Variants in MUSK observed in about 807,000 individuals in gnomAD.
The protein encoded by MUSK is muscle associated receptor tyrosine kinase.
Under a neutral mutation model 88.7 loss-of-function variants are expected in MUSK, and 55 were observed. The ratio of observed to expected loss-of-function variants is 0.62; its 90% CI spans 0.50 to 0.78. The LOEUF is 0.78. Among genes scored for constraint, MUSK ranks in the 30% least tolerant of loss-of-function variants. The pLI is 0.00. For missense variants in MUSK, 1,015 were observed against 1,074.3 expected, an observed-to-expected ratio of 0.94 and a Z score of 0.77; for synonymous variants, 387 against 391.9, an observed-to-expected ratio of 0.99 and a Z score of 0.15.
chr9:110,800,394 T>A lies in MUSK; in HGVS notation c.2016T>A (p.Pro672=). The change falls in exon 15 of 15, where the codon CCT becomes CCA. Residue 672 remains proline (P), a synonymous_variant. Coordinates refer to ENST00000374448, the MANE Select transcript of MUSK (RefSeq NM_005592.4). ...ATGAGTTCCTCCGCAGCATGTCCCC[T>A]CACACCGTGTGCAGCCTCAGTCACA... ...DLNEFLRSMS[P]HTVCSLSHSD... 1.2e-6 allele frequency: 2 copies of A among 1,613,836 alleles called. No homozygotes were observed. The highest frequency in any genetic ancestry group is 1.7e-6 in the Non-Finnish European group (2 of 1,179,842).
At chr9:110,673,877 A>T (rs2075991854) in intron 1 of MUSK, among the ~76,000 whole-genome samples, 1 of 152,224 alleles carries the variant, frequency 6.6e-6, no homozygotes, top group Non-Finnish European at 1.5e-5. Context: ...GACTATTAAC[A>T]CATTGGCATA....
At position 110,801,258 on chromosome 9, in the gene MUSK, C is replaced by T. The variant is rs2078094643; in HGVS notation, c.*270C>T. On this transcript the variant is annotated 3_prime_UTR_variant, in exon 15 of 15. Transcript: ENST00000374448. The stretch of plus-strand genomic sequence containing the variant: ...TCTTCATGAAGGTTTGTAATACACA[C>T]TGCACAGGGAAGAATGTCATCCTGT... 2 of 317,638 alleles carry T rather than the reference C, an allele frequency of 6.3e-6. No homozygotes were observed. The highest frequency in any genetic ancestry group is 1.2e-5 in the Non-Finnish European group (2 of 172,646). 19.7% of individuals were successfully genotyped at this position (317,638 alleles called of 1,614,324 possible). A position where few individuals can be genotyped will look rare whatever the true frequency, so the allele number is the denominator to read the frequency against.
In MUSK at chr9:110,775,642, CA is replaced by C. The variant is rs1465023618; in HGVS notation, c.1185-145del. 3 of 699,416 alleles carry C rather than the reference CA, an allele frequency of 4.3e-6. No homozygotes were observed. The East Asian group carries it at 8.1e-5, about 19-fold the overall frequency. 43.3% of individuals were successfully genotyped at this position (699,416 alleles called of 1,614,324 possible). ...ATTTCATGAGGTCTCATATTATTTA[CA>C]GTAAAAAGTTTCTTTCATAAACGCG... On this transcript the variant is annotated intron_variant, in intron 9 of 14. Coordinates refer to ENST00000374448, the MANE Select transcript of MUSK (RefSeq NM_005592.4).
rs544611718 is a variant in MUSK, at chr9:110,756,339, T to C, written c.914-5863T>C. Among the ~76,000 whole-genome samples the C allele has an allele frequency of 7.2e-5, 11 of 151,986 alleles. No individual in the cohort carries two copies. In the East Asian group the frequency reaches 1.9e-3, roughly 27 times the overall value. On this transcript the variant is annotated intron_variant, in intron 7 of 14. Coordinates refer to ENST00000374448, the MANE Select transcript of MUSK (RefSeq NM_005592.4). ...CCCCAGTCCTTGATCTCAATCCCTA[T>C]TGAGGTAACCTGCAATTGCTTATGA... is the stretch of plus-strand genomic sequence containing the variant.
At chr9:110,691,918 G>A (rs2076361405) in intron 3 of MUSK, among the ~76,000 whole-genome samples, 1 of 152,118 alleles carries the variant, frequency 6.6e-6, no homozygotes, top group South Asian at 2.1e-4. Context: ...CAGAATGAGA[G>A]TTTTAAAATC....
chr9:110,786,310 C>CA (rs60666436), intron 13 of MUSK, among the ~76,000 whole-genome samples: 6,072 of 75,160 alleles, frequency 0.081, 350 homozygotes, highest in African/African-American at 0.22. Context: ...GACTCTGTCT[C>CA]AAAAAAAAAA....
In MUSK at chr9:110,724,659, T is replaced by G. The variant is rs565825341; in HGVS notation, c.629-9592T>G. ...CTCAGCAGTGACTACTTATCTGTTG[T>G]GTTTTGTCTACTTTCTTATACACTG... On this transcript the variant is annotated intron_variant, in intron 5 of 14. Coordinates refer to ENST00000374448, the MANE Select transcript of MUSK (RefSeq NM_005592.4). Among the ~76,000 whole-genome samples, 21 of 152,168 alleles carry G rather than the reference T, an allele frequency of 1.4e-4. No homozygotes were observed. The East Asian group carries it at 3.9e-3, about 28-fold the overall frequency.
Position 110,805,698 on chromosome 9 carries a change from T to C in MUSK, c.*4710T>C, listed in dbSNP as rs2078152019. ...AGATGATTGTGGCTTTTTTCCCTAA[T>C]GGATTTGTTAATATGTTCAATTGTA... is the stretch of plus-strand genomic sequence containing the variant. On this transcript the variant is annotated 3_prime_UTR_variant, in exon 15 of 15. Coordinates refer to ENST00000374448, the MANE Select transcript of MUSK (RefSeq NM_005592.4). Among the ~76,000 whole-genome samples, 1 of 152,018 alleles carries C rather than the reference T, an allele frequency of 6.6e-6. No individual in the cohort carries two copies. The highest frequency in any genetic ancestry group is 6.5e-5 in the Admixed American group (1 of 15,272).
intron 14 of MUSK, among the ~76,000 whole-genome samples, chr9:110,789,926 G>C (rs1350688219): frequency 6.6e-6 from 1 of 152,224 alleles, no homozygotes; most frequent in African/African-American, 2.4e-5. Context: ...GCAGTACACA[G>C]AGTATTTAAA....
In MUSK at chr9:110,806,013, T is replaced by TA. The variant is rs952061245; in HGVS notation, c.*5032dup. On this transcript the variant is annotated 3_prime_UTR_variant, in exon 15 of 15. Transcript: ENST00000374448. ...GAAAGTAATACATAAAAATGTTGTT[T>TA]AAAAAAACTCACAAGAGGGTAAAAA... Among the ~76,000 whole-genome samples the TA allele has an allele frequency of 3.9e-5, 6 of 151,984 alleles. No homozygotes were observed. The highest frequency in any genetic ancestry group is 7.4e-5 in the Non-Finnish European group (5 of 67,924).
At chr9:110,706,338 G>A (rs973276485) in intron 5 of MUSK, 3 of 298,410 alleles carry the variant, frequency 1.0e-5, no homozygotes, top group Non-Finnish European at 2.0e-5. Flanking sequence ...TTTATTTGCT[G>A]CCTATTCATT....
At chr9:110,710,709 G>T (rs761967293) in intron 5 of MUSK, among the ~76,000 whole-genome samples, 2 of 151,800 alleles carry the variant, frequency 1.3e-5, no homozygotes, top group Non-Finnish European at 1.5e-5. Flanking sequence ...ACAGGAGAGA[G>T]GCTATTTGGA....
rs2077845532 is a variant in MUSK at position 110,785,705 on chromosome 9, G to A, written c.1765G>A (p.Val589Met). 2 of 1,600,284 alleles carry A rather than the reference G, an allele frequency of 1.2e-6. No individual in the cohort carries two copies. Among genetic ancestry groups the A allele is most frequent in the Admixed American group, 1.7e-5 (1 of 59,166 alleles). The change falls in exon 13 of 15, where the codon GTG becomes ATG. Residue 589 changes from valine (V) to methionine (M), a missense_variant. Transcript: ENST00000374448. ...RDIGEGAFGR[V>M]FQARAPGLLP... ...CATCGGAGAGGGAGCGTTTGGAAGG[G>A]TGTTTCAAGCAAGGTAAAGTTACCT...
At chr9:110,719,859 G>A (rs1341845165) in intron 5 of MUSK, among the ~76,000 whole-genome samples, 2 of 151,872 alleles carry the variant, frequency 1.3e-5, no homozygotes, top group African/African-American at 4.8e-5. Flanking sequence ...AAGTCTCAGT[G>A]AATTTGAGAA....
At chr9:110,772,864 A>AC (rs2077601397) in intron 9 of MUSK, among the ~76,000 whole-genome samples, 1 of 152,106 alleles carries the variant, frequency 6.6e-6, no homozygotes, top group African/African-American at 2.4e-5. Flanking sequence ...ACCTTTATTC[A>AC]TCAAACTAGT....
intron 5 of MUSK, among the ~76,000 whole-genome samples, chr9:110,731,059 C>T (rs1413257809): frequency 1.3e-5 from 2 of 152,008 alleles, no homozygotes; most frequent in Non-Finnish European, 2.9e-5. Context: ...AAGTCCCTTC[C>T]CCCAACCTTA....
rs369931235 is a variant in MUSK, at chr9:110,742,961, A to C, written c.754-4680A>C. ...AATGTCAGGCATTTAATGTTGTAAA[A>C]GTTGCAAACCAGAAATCCCATGGAG... On this transcript the variant is annotated intron_variant, in intron 6 of 14. Coordinates refer to ENST00000374448, the MANE Select transcript of MUSK (RefSeq NM_005592.4). Among the ~76,000 whole-genome samples the C allele has an allele frequency of 4.6e-5, 7 of 152,342 alleles. No homozygotes were observed. The South Asian group carries it at 1.4e-3, about 32-fold the overall frequency.
At chr9:110,724,431 A>C (rs1305565197) in intron 5 of MUSK, among the ~76,000 whole-genome samples, 1 of 151,928 alleles carries the variant, frequency 6.6e-6, no homozygotes, top group East Asian at 1.9e-4. Context: ...TATTTCAGGG[A>C]GCAATTTTAG....
At chr9:110,749,239 G>T (rs2077217178) in intron 7 of MUSK, among the ~76,000 whole-genome samples, 1 of 152,170 alleles carries the variant, frequency 6.6e-6, no homozygotes, top group South Asian at 2.1e-4. Context: ...CATCTAGAAG[G>T]AAGTCAGTCA....
Sources: allele counts gnomAD v4.1 joint callset (sites outside exome capture counted in the v4.1 genomes callset), GRCh38; gene constraint gnomAD v4.1.1; transcripts MANE v1.5; gene names NCBI Gene and HGNC (gene_info 2026-07-23, HGNC 2026-07-21).